The following TMEM233 variants were observed in gnomAD, a reference collection of about 807,000 sequenced individuals.
TMEM233 encodes dispanin subfamily B member 2.
TMEM233 carries 6 observed loss-of-function variants against 11.2 expected under a neutral mutation model. The observed-to-expected ratio is 0.54, with a 90% CI of 0.29 to 1.06. The LOEUF is 1.06. TMEM233 is among the 50% of genes least tolerant of loss of function. The pLI is 0.08. For synonymous variants in TMEM233, 59 were observed against 55.8 expected (o/e 1.06, Z -0.26); for missense variants, 127 against 144.7 (o/e 0.88, Z 0.63).
rs1010029818 is a variant in TMEM233 at position 119,610,302 on chromosome 12, T to C, written c.186+16268T>C. Among the ~76,000 whole-genome samples, 4 of 152,334 alleles carry C rather than the reference T, an allele frequency of 2.6e-5. No homozygotes were observed. The East Asian group carries it at 5.8e-4, about 22-fold the overall frequency. On this transcript the variant is annotated intron_variant, in intron 1 of 2. Transcript: ENST00000426426. ...ACTTGCTTTTGATTTTACAGGCTCA[T>C]AGGCAGAAGGGACTTGCCTTGTCTT...
intron 1 of TMEM233, among the ~76,000 whole-genome samples, chr12:119,627,541 G>T (rs573778871): frequency 1.2e-4 from 19 of 152,254 alleles, no homozygotes; most frequent in African/African-American, 3.9e-4. Context: ...CAGAGAGAGA[G>T]AGCAAGAGAA....
At chr12:119,651,941 A>G in the TMEM233 span, among the ~76,000 whole-genome samples, 1 of 152,176 alleles carries the variant, frequency 6.6e-6, no homozygotes, top group South Asian at 2.1e-4. Flanking sequence ...AATGACTAAT[A>G]ATGAAAAGTT....
intron 2 of TMEM233, among the ~76,000 whole-genome samples, chr12:119,638,317 T>C (rs1278013549): frequency 2.0e-5 from 3 of 151,954 alleles, no homozygotes; most frequent in Non-Finnish European, 4.4e-5. Context: ...AAAAAATATA[T>C]CTGGGCTTGG....
chr12:119,616,993 T>C (rs373622115), intron 1 of TMEM233, among the ~76,000 whole-genome samples: 1 of 152,192 alleles, frequency 6.6e-6, no homozygotes, highest in East Asian at 1.9e-4. Context: ...CCTTTATAAA[T>C]TACCCGGTCT....
downstream of TMEM233, among the ~76,000 whole-genome samples, chr12:119,644,900 T>A (rs989689560): frequency 6.6e-6 from 1 of 152,178 alleles, no homozygotes; most frequent in African/African-American, 2.4e-5. Context: ...CCAGAATGTT[T>A]AAGAGAGACC....
chr12:119,646,590 G>T (rs1463344022), downstream of TMEM233, among the ~76,000 whole-genome samples: 1 of 152,242 alleles, frequency 6.6e-6, no homozygotes, highest in African/African-American at 2.4e-5. Context: ...CCTTGACTCA[G>T]GGCCTCCTTC....
intron 1 of TMEM233, among the ~76,000 whole-genome samples, chr12:119,606,704 A>G (rs1663701762): frequency 6.6e-6 from 1 of 152,264 alleles, no homozygotes; most frequent in Non-Finnish European, 1.5e-5. Context: ...AATGGAGTAT[A>G]GTATTTACAT....
At chr12:119,651,313 C>T in the TMEM233 span, among the ~76,000 whole-genome samples, 1 of 152,216 alleles carries the variant, frequency 6.6e-6, no homozygotes, top group South Asian at 2.1e-4. Flanking sequence ...ATGGGAGTAG[C>T]TCTTCAGGCT....
chr12:119,595,876 G>A lies in TMEM233; in HGVS notation c.186+1842G>A, dbSNP rs1355061336. ...TTAATTATTTGTATGTTTACAGTCT[G>A]TGTCCCTCTCATTAGAATATAAGCT... On this transcript the variant is annotated intron_variant, in intron 1 of 2. Transcript: ENST00000426426. The surrounding 1 kb of genome is among the most constrained non-coding windows in gnomAD (Gnocchi z 4.3). Among the ~76,000 whole-genome samples the A allele has an allele frequency of 6.6e-6, 1 of 152,136 alleles. No individual in the cohort carries two copies. The highest frequency in any genetic ancestry group is 1.5e-5 in the Non-Finnish European group (1 of 68,026).
At chr12:119,636,676 T>C (rs1799523247) in intron 2 of TMEM233, among the ~76,000 whole-genome samples, 1 of 152,202 alleles carries the variant, frequency 6.6e-6, no homozygotes, top group African/African-American at 2.4e-5. Context: ...TCTGTGGAAT[T>C]CAGCGGAACG....
chr12:119,651,314 T>C, the TMEM233 span, among the ~76,000 whole-genome samples: 5 of 152,206 alleles, frequency 3.3e-5, no homozygotes, highest in African/African-American at 1.2e-4. Flanking sequence ...TGGGAGTAGC[T>C]CTTCAGGCTA....
intron 1 of TMEM233, among the ~76,000 whole-genome samples, chr12:119,603,120 A>G (rs888071139): frequency 6.6e-5 from 10 of 151,614 alleles, no homozygotes; most frequent in African/African-American, 2.4e-4. Flanking sequence ...AAAAATAAAA[A>G]ATCAGCTGGG....
chr12:119,634,044 C>A (rs1303712931), intron 2 of TMEM233, among the ~76,000 whole-genome samples: 1 of 152,196 alleles, frequency 6.6e-6, no homozygotes, highest in African/African-American at 2.4e-5. Context: ...AATATCCTGC[C>A]ACCAAAGTCC....
chr12:119,646,132 A>G, downstream of TMEM233, among the ~76,000 whole-genome samples: 1 of 151,248 alleles, frequency 6.6e-6, no homozygotes. Context: ...ATCTTGGCTC[A>G]CTGCAACCTC....
chr12:119,644,880 G>A (rs1353383079), downstream of TMEM233, among the ~76,000 whole-genome samples: 1 of 152,180 alleles, frequency 6.6e-6, no homozygotes, highest in Non-Finnish European at 1.5e-5. Flanking sequence ...AAACTGGGCT[G>A]GTGGAAATTC....
At chr12:119,602,522 G>C (rs900811282) in intron 1 of TMEM233, among the ~76,000 whole-genome samples, 1 of 152,206 alleles carries the variant, frequency 6.6e-6, no homozygotes, top group Non-Finnish European at 1.5e-5. Flanking sequence ...TGAAGACCCT[G>C]TCTGAAGTGT....
downstream of TMEM233, among the ~76,000 whole-genome samples, chr12:119,643,767 C>CAAA (rs113473098): frequency 8.4e-6 from 1 of 119,500 alleles, no homozygotes; most frequent in African/African-American, 3.0e-5. Flanking sequence ...GATTCCGTAT[C>CAAA]AAAAAAAAAA....
At chr12:119,600,389 A>G (rs1260596905) in intron 1 of TMEM233, among the ~76,000 whole-genome samples, 1 of 148,636 alleles carries the variant, frequency 6.7e-6, no homozygotes, top group African/African-American at 2.5e-5. Flanking sequence ...GGGTAGATTA[A>G]AAAAAAAAAA....
At chr12:119,645,335 A>AAAAAAAAAC, downstream of TMEM233, among the ~76,000 whole-genome samples, 1 of 151,602 alleles carries the variant, frequency 6.6e-6, no homozygotes, top group South Asian at 2.1e-4. Flanking sequence ...AAAAAAAAAA[A>AAAAAAAAAC]AAAATCTTGT....
Sources: gnomAD v4.1 joint callset for allele counts (sites outside exome capture counted in the v4.1 genomes callset) on GRCh38, gnomAD v4.1.1 for gene constraint, Gnocchi (gnomAD v3.1) non-coding constraint, MANE v1.5 for transcripts, NCBI Gene and HGNC (gene_info 2026-07-23, HGNC 2026-07-21) for gene names.